GPX6: variants seen among roughly 807,000 people sequenced by gnomAD.
The protein encoded by GPX6 is glutathione peroxidase 6, also known as glutathione peroxidase 6 (olfactory).
Under a neutral mutation model 20.0 loss-of-function variants are expected in GPX6, and 21 were observed. The observed-to-expected ratio is 1.05, with a 90% CI of 0.74 to 1.51. The LOEUF is 1.51. Ranked by LOEUF, GPX6 falls within the 40% of genes most tolerant of loss-of-function variation. GPX6 has a pLI of 0.00. For missense variants in GPX6, 233 were observed against 254.7 expected, an observed-to-expected ratio of 0.91 and a Z score of 0.58; for synonymous variants, 75 against 98.0, an observed-to-expected ratio of 0.77 and a Z score of 1.38.
At chr6:28,515,122 T>A (rs1402337142) in intron 1 of GPX6, among the ~76,000 whole-genome samples, 3 of 152,188 alleles carry the variant, frequency 2.0e-5, no homozygotes, top group African/African-American at 7.2e-5. Context: ...CCTTATGCAT[T>A]TTATTTTTCT....
At chr6:28,514,902 G>A (rs758586848) in intron 1 of GPX6, among the ~76,000 whole-genome samples, 5 of 152,140 alleles carry the variant, frequency 3.3e-5, no homozygotes, top group African/African-American at 4.8e-5. Context: ...GGTGCCTCAG[G>A]TGATCTGCTC....
chr6:28,513,804 G>A (rs1423686628), intron 1 of GPX6, among the ~76,000 whole-genome samples: 2 of 152,178 alleles, frequency 1.3e-5, no homozygotes, highest in Non-Finnish European at 2.9e-5. Context: ...CCCCATGCAG[G>A]GAAGGAATTG....
rs765697605 is a variant in GPX6 at position 28,504,478 on chromosome 6, A to G, written c.480T>C (p.Ser160=). Residue 160 remains serine (S), a synonymous_variant, in exon 5 of 5, where the codon TCT becomes TCC. Transcript: ENST00000361902. ...TFLKNSCPPT[S]DLLGSSSQLF... is the part of the protein sequence containing the mutation. ...GTTGGCTTGATGAGCCCAAAAGATC[A>G]GAGGTCGGAGGGCAGGAGTTCTGGA... The G allele has an allele frequency of 1.2e-6, 2 of 1,613,974 alleles. No individual in the cohort carries two copies. The highest frequency in any genetic ancestry group is 2.7e-5 in the African/African-American group (2 of 74,942).
chr6:28,508,973 G>T (rs141980917), intron 2 of GPX6, among the ~76,000 whole-genome samples: 1 of 152,048 alleles, frequency 6.6e-6, no homozygotes. Flanking sequence ...TGGAGGAGCC[G>T]GAATTTTATT....
chr6:28,514,996 A>G (rs1762998249), intron 1 of GPX6, among the ~76,000 whole-genome samples: 1 of 152,222 alleles, frequency 6.6e-6, no homozygotes, highest in Non-Finnish European at 1.5e-5. Flanking sequence ...AAATGGCATC[A>G]GGAGATTTGG....
At chr6:28,515,225 T>C (rs537367171) in intron 1 of GPX6, among the ~76,000 whole-genome samples, 10 of 152,294 alleles carry the variant, frequency 6.6e-5, no homozygotes, top group African/African-American at 2.2e-4. Context: ...CCCTCTGGGT[T>C]TCTGGCTGAG....
At chr6:28,510,611 G>T in intron 2 of GPX6, 140 bp downstream of exon 2, 1 of 718,524 alleles carries the variant, frequency 1.4e-6, no homozygotes, top group Non-Finnish European at 2.2e-6. Flanking sequence ...AGCAGAGCAG[G>T]AGCAGCATTT....
intron 1 of GPX6, among the ~76,000 whole-genome samples, chr6:28,511,936 G>A (rs1209359878): frequency 6.6e-6 from 1 of 151,742 alleles, no homozygotes; most frequent in African/African-American, 2.4e-5. Context: ...CACTCGGAGC[G>A]GCCAGCCGGC....
intron 1 of GPX6, 153 bp from the exon 2 acceptor site, chr6:28,511,057 C>T (rs1265811271): frequency 5.1e-6 from 3 of 591,392 alleles, no homozygotes; most frequent in Non-Finnish European, 5.5e-6. Flanking sequence ...TTAGTTAGAG[C>T]TGATGCCATA....
chr6:28,506,706 A>AACACACACACACACACACACACACACAC (rs56155284), intron 2 of GPX6, among the ~76,000 whole-genome samples: 2 of 145,098 alleles, frequency 1.4e-5, no homozygotes, highest in African/African-American at 5.2e-5. Flanking sequence ...TTTTTTTTTA[A>AACACACACACACACACACACACACACAC]ACACACACAC....
chr6:28,514,144 C>T (rs912424201), intron 1 of GPX6, among the ~76,000 whole-genome samples: 1 of 152,186 alleles, frequency 6.6e-6, no homozygotes, highest in Non-Finnish European at 1.5e-5. Context: ...AAAAGTCACA[C>T]GGAAATCACC....
rs1263225404 is a variant in GPX6, at chr6:28,504,233, G to C, written c.*59C>G. 6.5e-7 allele frequency: 1 copy of C among 1,526,742 alleles called. No homozygotes were observed. The highest frequency in any genetic ancestry group is 9.1e-7 in the Non-Finnish European group (1 of 1,104,102). The allele number at this position is 1,526,742 out of a possible 1,614,324, so 94.6% of individuals were successfully genotyped here. A position where few individuals can be genotyped will look rare whatever the true frequency, so the allele number is the denominator to read the frequency against. ...AAAGAAGGAGGAAGATGGATGCTTT[G>C]TTAGACATTCCTGCAGGTGGGAGAC... On this transcript the variant is annotated 3_prime_UTR_variant, in exon 5 of 5. Coordinates refer to ENST00000361902, the MANE Select transcript of GPX6 (RefSeq NM_182701.1).
chr6:28,504,099 T>TAC lies in GPX6; in HGVS notation c.*191_*192dup, dbSNP rs55919532. On this transcript the variant is annotated 3_prime_UTR_variant, in exon 5 of 5. Transcript: ENST00000361902. Reference sequence around the variant, plus strand: ...CAACAAATACAATTCTACATATCCATACACACACACACACACACACACACA... The same window carrying TAC: ...CAACAAATACAATTCTACATATCCATACACACACACACACACACACACACACA... 0.041 allele frequency: 22,783 copies of TAC among 561,256 alleles called. 110 individuals carry two copies. The highest frequency in any genetic ancestry group is 0.065 in the South Asian group (3,030 of 46,754). The allele number at this position is 561,256 out of a possible 1,614,324, so 34.8% of individuals were successfully genotyped here.
chr6:28,508,460 AATTT>A (rs1762828836), intron 2 of GPX6, among the ~76,000 whole-genome samples: 4 of 152,200 alleles, frequency 2.6e-5, no homozygotes, highest in African/African-American at 9.6e-5. Context: ...TTATAATAAA[AATTT>A]AGTCTGTAGC....
intron 1 of GPX6, 90 bp from the exon 2 acceptor site, chr6:28,510,994 C>T: frequency 9.0e-7 from 1 of 1,114,154 alleles, no homozygotes; most frequent in Non-Finnish European, 1.2e-6. Context: ...GAAGACCCTT[C>T]ATGTAATATC....
chr6:28,513,317 C>T (rs1053939236), intron 1 of GPX6, among the ~76,000 whole-genome samples: 1 of 152,176 alleles, frequency 6.6e-6, no homozygotes, highest in African/African-American at 2.4e-5. Context: ...ACTAAGAGCA[C>T]CCTGTAACAC....
intron 1 of GPX6, 136 bp downstream of exon 1, chr6:28,515,521 T>C (rs888519707): frequency 1.6e-5 from 11 of 672,710 alleles, no homozygotes; most frequent in Admixed American, 4.7e-5. Flanking sequence ...GATAGCAATG[T>C]CAGGATTTGT....
intron 1 of GPX6, among the ~76,000 whole-genome samples, chr6:28,513,255 T>A (rs963833400): frequency 1.3e-5 from 2 of 149,008 alleles, no homozygotes; most frequent in Admixed American, 1.4e-4. Flanking sequence ...TCTGTCTTTG[T>A]GATAAGGCAG....
At chr6:28,511,728 C>T (rs1160756029) in intron 1 of GPX6, among the ~76,000 whole-genome samples, 1 of 152,278 alleles carries the variant, frequency 6.6e-6, no homozygotes. Context: ...GCCTTGGCGC[C>T]CACTCTGGTC....
Sources: gnomAD v4.1 joint callset for allele counts (sites outside exome capture counted in the v4.1 genomes callset) on GRCh38, gnomAD v4.1.1 for gene constraint, MANE v1.5 for transcripts, NCBI Gene and HGNC (gene_info 2026-07-23, HGNC 2026-07-21) for gene names.